TSPAN15: variants seen among roughly 807,000 people sequenced by gnomAD.
The protein encoded by TSPAN15 is tetraspanin 15.
In TSPAN15, 20 loss-of-function variants were observed where a neutral mutation model predicts 34.5. That is an observed-to-expected ratio of 0.58 (90% confidence interval 0.41 to 0.84). The LOEUF (loss-of-function observed/expected upper bound fraction) is 0.84, where lower values mean the gene tolerates loss of function less well. Among genes scored for constraint, TSPAN15 ranks in the 40% least tolerant of loss-of-function variants. TSPAN15 has a pLI of 0.00. For missense variants in TSPAN15, 313 were observed against 386.1 expected (o/e 0.81, Z 1.59); for synonymous variants, 155 against 153.9 (o/e 1.01, Z -0.05).
downstream of TSPAN15, among the ~76,000 whole-genome samples, chr10:69,512,635 T>C (rs1285718398): frequency 2.0e-5 from 3 of 152,240 alleles, no homozygotes; most frequent in Non-Finnish European, 4.4e-5. Flanking sequence ...CTGCTTTCTG[T>C]CTCTATAAAT....
chr10:69,469,925 A>T (rs1261371001), intron 1 of TSPAN15, among the ~76,000 whole-genome samples: 1 of 152,172 alleles, frequency 6.6e-6, no homozygotes, highest in Non-Finnish European at 1.5e-5. Flanking sequence ...ATTAAATTGT[A>T]CGACACCCAG....
chr10:69,504,211 AGTCATGGAAC>A (rs1403362572), intron 5 of TSPAN15, among the ~76,000 whole-genome samples: 1 of 150,152 alleles, frequency 6.7e-6, no homozygotes, highest in African/African-American at 2.5e-5. Context: ...CCCAGGTAAA[AGTCATGGAAC>A]CTGCATTCCT....
At position 69,495,703 on chromosome 10, in the gene TSPAN15, T is replaced by A; in HGVS notation, c.453+14T>A. ...GTTCAGAAAAAGGTGAGCCAGGCGC[T>A]TTGGGGTAGAGATGCGCCTCCCGTG... is the stretch of plus-strand genomic sequence containing the variant. On this transcript the variant is annotated intron_variant, in intron 4 of 7. Transcript: ENST00000373290. 1 of 1,597,906 alleles carries A rather than the reference T, an allele frequency of 6.3e-7. No homozygotes were observed. The highest frequency in any genetic ancestry group is 8.6e-7 in the Non-Finnish European group (1 of 1,165,218).
At position 69,495,579 on chromosome 10, in the gene TSPAN15, TCTC is replaced by T. The variant is rs1842062450; in HGVS notation, c.358-12_358-10del. ...TGTGTGGTTCTTTTCCTTTGTAATT[TCTC>T]CTTTTGAATAGACCATTGACTTCCT... On this transcript the variant is annotated splice_polypyrimidine_tract_variant and intron_variant, in intron 3 of 7. Coordinates refer to ENST00000373290, the MANE Select transcript of TSPAN15 (RefSeq NM_012339.5). The T allele has an allele frequency of 1.3e-6, 2 of 1,594,578 alleles. No homozygotes were observed. Among genetic ancestry groups the T allele is most frequent in the South Asian group, 2.2e-5 (2 of 90,654 alleles).
chr10:69,509,228 A>T (rs937836731), downstream of TSPAN15, among the ~76,000 whole-genome samples: 1 of 151,568 alleles, frequency 6.6e-6, no homozygotes, highest in Non-Finnish European at 1.5e-5. Context: ...ACTCACAGAC[A>T]CCCCTCTACC....
At chr10:69,544,091 C>T in the TSPAN15 span, among the ~76,000 whole-genome samples, 1 of 152,080 alleles carries the variant, frequency 6.6e-6, no homozygotes, top group African/African-American at 2.4e-5. Flanking sequence ...TGTGGAACAA[C>T]CTGAGTGGTG....
chr10:69,539,883 C>A, the TSPAN15 span, among the ~76,000 whole-genome samples: 1 of 152,044 alleles, frequency 6.6e-6, no homozygotes, highest in Non-Finnish European at 1.5e-5. Flanking sequence ...ACACATATAT[C>A]ACTTTTACTT....
the TSPAN15 span, among the ~76,000 whole-genome samples, chr10:69,545,181 C>A: frequency 6.6e-6 from 1 of 152,196 alleles, no homozygotes; most frequent in Admixed American, 6.5e-5. Context: ...CTCACTCCCC[C>A]TTTACCCCCG....
chr10:69,492,210 G>A (rs1372300226), intron 3 of TSPAN15, among the ~76,000 whole-genome samples: 3 of 152,120 alleles, frequency 2.0e-5, no homozygotes, highest in Non-Finnish European at 2.9e-5. Flanking sequence ...GAATGGCAGA[G>A]GAAGCTAGAA....
downstream of TSPAN15, among the ~76,000 whole-genome samples, chr10:69,512,466 C>T (rs368820442): frequency 1.3e-5 from 2 of 152,150 alleles, no homozygotes; most frequent in South Asian, 4.1e-4. Context: ...ATAAAATAAA[C>T]TGCGTGTATT....
At chr10:69,520,970 C>T in the TSPAN15 span, among the ~76,000 whole-genome samples, 7 of 144,516 alleles carry the variant, frequency 4.8e-5, no homozygotes, top group East Asian at 1.5e-3. Flanking sequence ...TTCTCCACAC[C>T]CTTGCCAACA....
chr10:69,458,503 C>T (rs1418072532), intron 1 of TSPAN15, among the ~76,000 whole-genome samples: 1 of 152,144 alleles, frequency 6.6e-6, no homozygotes, highest in African/African-American at 2.4e-5. Flanking sequence ...GAGCAAAGTT[C>T]ATTTTCTGGC....
chr10:69,547,115 T>C, the TSPAN15 span, among the ~76,000 whole-genome samples: 2 of 151,932 alleles, frequency 1.3e-5, no homozygotes, highest in African/African-American at 4.8e-5. Context: ...GGCAGGAGAA[T>C]CTCTTGAACC....
intron 3 of TSPAN15, 24 bp downstream of exon 3, chr10:69,485,239 G>A (rs772606399): frequency 2.9e-5 from 46 of 1,611,586 alleles, no homozygotes; most frequent in Non-Finnish European, 2.7e-5. Context: ...TTTGTGTATC[G>A]GCCATGTGTG....
At chr10:69,479,425 T>C (rs10998828) in intron 1 of TSPAN15, among the ~76,000 whole-genome samples, 9,489 of 152,352 alleles carry the variant, frequency 0.062, 1,026 homozygotes, top group African/African-American at 0.22. Context: ...CTGTTGAAGA[T>C]GCCACGTGGT....
In TSPAN15 at chr10:69,483,847, C is replaced by T. The variant is rs142948874; in HGVS notation, c.253C>T (p.Leu85Phe). 1.7e-4 allele frequency: 280 copies of T among 1,614,008 alleles called. 2 individuals carry two copies. The highest frequency in any genetic ancestry group is 3.3e-4 in the Middle Eastern group (2 of 5,992). ...CTCCTTCATTGGTGTGCTGGCGTCC[C>T]TCCGTGACAACCTGTACCTTCTCCA... ...MVSFIGVLAS[L>F]RDNLYLLQAF... The change falls in exon 2 of 8, where the codon CTC becomes TTC. Residue 85 changes from leucine to phenylalanine, a missense_variant. Coordinates refer to ENST00000373290, the MANE Select transcript of TSPAN15 (RefSeq NM_012339.5).
In TSPAN15 at chr10:69,506,475, C is replaced by T. The variant is rs1842329825; in HGVS notation, c.735+235C>T. The T allele has an allele frequency of 1.0e-5, 6 of 594,010 alleles. No individual in the cohort carries two copies. Among genetic ancestry groups the T allele is most frequent in the Middle Eastern group, 4.2e-4 (1 of 2,358 alleles). The allele number at this position is 594,010 out of a possible 1,614,324, so 36.8% of individuals were successfully genotyped here. On this transcript the variant is annotated intron_variant, in intron 7 of 7. Transcript: ENST00000373290. This position sits in a 1 kb window ranked among gnomAD's most constrained non-coding sequence, Gnocchi z 4.7. ...TTGTGAGGGAGGCACTATTATAATG[C>T]CTATTTCACAGAGGAGGAAACTGAG...
chr10:69,463,144 A>G (rs1388885541), intron 1 of TSPAN15, among the ~76,000 whole-genome samples: 3 of 152,268 alleles, frequency 2.0e-5, no homozygotes, highest in Admixed American at 6.5e-5. Flanking sequence ...CTTTGTAAAT[A>G]GAATAAGTTT....
chr10:69,528,050 C>T, the TSPAN15 span, among the ~76,000 whole-genome samples: 3 of 148,262 alleles, frequency 2.0e-5, 1 homozygote, highest in Non-Finnish European at 3.0e-5. Flanking sequence ...CTTGGCCTGG[C>T]GCACTGCACT....
Sources: allele counts gnomAD v4.1 joint callset (sites outside exome capture counted in the v4.1 genomes callset), GRCh38; gene constraint gnomAD v4.1.1; non-coding constraint Gnocchi (gnomAD v3.1); transcripts MANE v1.5; gene names NCBI Gene and HGNC (gene_info 2026-07-23, HGNC 2026-07-21).